Variants in RECK observed in about 807,000 individuals in gnomAD.
RECK encodes reversion inducing cysteine rich protein with kazal motifs.
Under a neutral mutation model 115.1 loss-of-function variants are expected in RECK, and 69 were observed. The observed-to-expected ratio is 0.60, with a 90% CI of 0.49 to 0.73. RECK has a LOEUF of 0.73. RECK is among the 30% of genes least tolerant of loss of function. RECK has a pLI of 0.00. For missense variants in RECK, 1,047 were observed against 1,203.7 expected (o/e 0.87, Z 1.93); for synonymous variants, 414 against 419.7 (o/e 0.99, Z 0.17).
At chr9:36,057,158 A>G (rs1204627294) in intron 2 of RECK, 1 of 228,202 alleles carries the variant, frequency 4.4e-6, no homozygotes, top group Non-Finnish European at 7.3e-6. Context: ...AATTAAAAAA[A>G]AAAAAAAAAG....
intron 2 of RECK, among the ~76,000 whole-genome samples, chr9:36,057,914 A>T (rs930440122): frequency 2.6e-5 from 4 of 152,012 alleles, no homozygotes; most frequent in Non-Finnish European, 5.9e-5. Flanking sequence ...GCTCACCATC[A>T]CTGGCCATCA....
At chr9:36,092,542 ATTTT>A (rs71508011) in intron 10 of RECK, among the ~76,000 whole-genome samples, 1 of 117,048 alleles carries the variant, frequency 8.5e-6, no homozygotes, top group Admixed American at 9.5e-5. Flanking sequence ...CACCCAGCTA[ATTTT>A]TTTTTTTTTT....
chr9:36,112,236 T>C (rs1824079503), intron 15 of RECK, 69 bp from the exon 16 acceptor site: 1 of 1,507,706 alleles, frequency 6.6e-7, no homozygotes, highest in African/African-American at 1.4e-5. Flanking sequence ...ATGGTTTGCC[T>C]TAACAAGGAA....
intron 2 of RECK, among the ~76,000 whole-genome samples, chr9:36,055,472 C>G (rs75089664): frequency 0.041 from 6,287 of 152,268 alleles, 165 homozygotes; most frequent in Non-Finnish European, 0.066. Flanking sequence ...AAGTGCCATG[C>G]CCTTTACTAT....
intron 4 of RECK, among the ~76,000 whole-genome samples, chr9:36,060,748 C>T (rs997984260): frequency 6.6e-6 from 1 of 152,070 alleles, no homozygotes; most frequent in African/African-American, 2.4e-5. Flanking sequence ...TAATCTCATT[C>T]CTTCCCAGAA....
At chr9:36,070,194 A>G (rs1262529180) in intron 6 of RECK, among the ~76,000 whole-genome samples, 1 of 152,182 alleles carries the variant, frequency 6.6e-6, no homozygotes, top group Non-Finnish European at 1.5e-5. Context: ...AACAATAGTA[A>G]TGTATTACTG....
chr9:36,087,156 G>C (rs1350461473), intron 8 of RECK, among the ~76,000 whole-genome samples: 1 of 151,586 alleles, frequency 6.6e-6, no homozygotes, highest in Non-Finnish European at 1.5e-5. Flanking sequence ...GTGCTAAGCA[G>C]AGCATGACAA....
chr9:36,050,831 C>T (rs1381567986), intron 1 of RECK, among the ~76,000 whole-genome samples: 8 of 152,226 alleles, frequency 5.3e-5, no homozygotes, highest in East Asian at 3.9e-4. Context: ...CATTGTGGCT[C>T]GTTCCCTTAC....
intron 10 of RECK, among the ~76,000 whole-genome samples, chr9:36,095,916 C>A (rs1483834853): frequency 4.1e-5 from 6 of 146,912 alleles, no homozygotes; most frequent in Admixed American, 6.8e-5. Flanking sequence ...ACTAAAAATA[C>A]AAAAAAAAAA....
At chr9:36,102,432 T>C (rs1361857269) in intron 12 of RECK, among the ~76,000 whole-genome samples, 1 of 152,162 alleles carries the variant, frequency 6.6e-6, no homozygotes, top group African/African-American at 2.4e-5. Context: ...GCAGAAGTGA[T>C]TCTATCAGTC....
intron 6 of RECK, among the ~76,000 whole-genome samples, chr9:36,070,495 A>C (rs1170206153): frequency 2.0e-5 from 3 of 151,384 alleles, no homozygotes; most frequent in African/African-American, 7.4e-5. Flanking sequence ...ATAGAATCTA[A>C]AATAATCCAT....
chr9:36,110,891 A>G (rs1824016813), intron 15 of RECK, among the ~76,000 whole-genome samples: 1 of 152,198 alleles, frequency 6.6e-6, no homozygotes, highest in South Asian at 2.1e-4. Flanking sequence ...AAAGGGGATC[A>G]GAAATAAGAA....
At chr9:36,060,496 T>C (rs1226578362) in intron 4 of RECK, among the ~76,000 whole-genome samples, 1 of 152,208 alleles carries the variant, frequency 6.6e-6, no homozygotes, top group African/African-American at 2.4e-5. Flanking sequence ...GCCATTCTAC[T>C]GAAACTAGTC....
At chr9:36,047,600 C>G (rs1564098553) in intron 1 of RECK, among the ~76,000 whole-genome samples, 1 of 151,152 alleles carries the variant, frequency 6.6e-6, no homozygotes, top group African/African-American at 2.4e-5. Context: ...GCAAGACTCT[C>G]AAAAAAAACA....
chr9:36,050,542 T>C (rs749991498), intron 1 of RECK, among the ~76,000 whole-genome samples: 26 of 152,196 alleles, frequency 1.7e-4, no homozygotes, highest in Non-Finnish European at 3.1e-4. Flanking sequence ...CCCTTACTCC[T>C]GTGTATTATA....
At chr9:36,068,877 C>T (rs922468149) in intron 6 of RECK, among the ~76,000 whole-genome samples, 1 of 152,190 alleles carries the variant, frequency 6.6e-6, no homozygotes, top group Non-Finnish European at 1.5e-5. Flanking sequence ...AGCTGGTCTT[C>T]CCATGAGTTT....
In RECK at chr9:36,110,040, A is replaced by C; in HGVS notation, c.1849A>C (p.Ser617Arg). 1 of 1,613,758 alleles carries C rather than the reference A, an allele frequency of 6.2e-7. No homozygotes were observed. The highest frequency in any genetic ancestry group is 8.5e-7 in the Non-Finnish European group (1 of 1,179,704). ...NLVCSTRLCLSEHSSEDDRRT... is the reference protein window; with the variant it reads ...NLVCSTRLCLREHSSEDDRRT... ...GGTGTGCTCTACCCGCCTTTGCCTC[A>C]GTGAGCACAGTTCAGAAGATGACCG... Residue 617 changes from serine to arginine, a missense_variant, in exon 15 of 21, where the codon AGT becomes CGT. Transcript: ENST00000377966.
At chr9:36,120,804 A>G in intron 19 of RECK, 68 bp downstream of exon 19, 1 of 1,077,280 alleles carries the variant, frequency 9.3e-7, no homozygotes, top group Non-Finnish European at 1.4e-6. Flanking sequence ...CCTAGAGAGT[A>G]GAATGTGTTG....
chr9:36,081,720 G>A (rs1425894885), intron 7 of RECK, among the ~76,000 whole-genome samples: 1 of 151,856 alleles, frequency 6.6e-6, no homozygotes, highest in Admixed American at 6.6e-5. Context: ...TGTAATCCCA[G>A]CTACTAGAGA....
Sources: gnomAD v4.1 joint callset for allele counts (sites outside exome capture counted in the v4.1 genomes callset) on GRCh38, gnomAD v4.1.1 for gene constraint, MANE v1.5 for transcripts, NCBI Gene and HGNC (gene_info 2026-07-23, HGNC 2026-07-21) for gene names.